The following BLMH variants were observed in gnomAD, a reference collection of about 807,000 sequenced individuals.
The protein encoded by BLMH is BLM hydrolase.
BLMH carries 32 observed loss-of-function variants against 61.6 expected under a neutral mutation model. The ratio of observed to expected loss-of-function variants is 0.52; its 90% CI spans 0.39 to 0.70. The LOEUF (loss-of-function observed/expected upper bound fraction) is 0.70. Among genes scored for constraint, BLMH ranks in the 30% least tolerant of loss-of-function variants. The pLI is 0.00. For synonymous variants in BLMH, 183 were observed against 193.8 expected (o/e 0.94, Z 0.46); for missense variants, 460 against 555.5 (o/e 0.83, Z 1.73).
At chr17:30,273,708 C>G in intron 7 of BLMH, 1 of 304,702 alleles carries the variant, frequency 3.3e-6, no homozygotes, top group South Asian at 3.7e-5. Flanking sequence ...TGCAAAAGTG[C>G]TCTGAATCCA....
intron 11 of BLMH, among the ~76,000 whole-genome samples, chr17:30,260,880 T>TAACAAC (rs371906610): frequency 1.3e-5 from 2 of 151,708 alleles, no homozygotes; most frequent in African/African-American, 4.8e-5. Flanking sequence ...CAAGACTCCA[T>TAACAAC]AACAACAACA....
chr17:30,270,360 G>A (rs1360063284), intron 10 of BLMH, among the ~76,000 whole-genome samples: 1 of 151,996 alleles, frequency 6.6e-6, no homozygotes, highest in Non-Finnish European at 1.5e-5. Context: ...AAATCAGCTG[G>A]GTGTGTTGGC....
chr17:30,256,482 C>A (rs1317669588), intron 11 of BLMH, among the ~76,000 whole-genome samples: 2 of 152,052 alleles, frequency 1.3e-5, no homozygotes, highest in East Asian at 3.9e-4. Flanking sequence ...GTGCCCACCA[C>A]CATGCCCAGC....
At chr17:30,289,694 C>A (rs915848024) in intron 2 of BLMH, among the ~76,000 whole-genome samples, 2 of 152,214 alleles carry the variant, frequency 1.3e-5, no homozygotes, top group African/African-American at 4.8e-5. Context: ...CACAAAAACA[C>A]TCTTTACGTA....
chr17:30,279,057 T>C (rs958315110), intron 6 of BLMH, among the ~76,000 whole-genome samples: 3 of 152,188 alleles, frequency 2.0e-5, no homozygotes, highest in African/African-American at 7.2e-5. Context: ...CTTTCCAAAA[T>C]GCTGGAAAGC....
In BLMH at chr17:30,274,146, A is replaced by T; in HGVS notation, c.697T>A (p.Trp233Arg). 6.2e-7 allele frequency: 1 copy of T among 1,614,180 alleles called. No individual in the cohort carries two copies. The highest frequency in any genetic ancestry group is 2.2e-5 in the East Asian group (1 of 44,888). The change falls in exon 7 of 12, where the codon TGG (tryptophan) becomes AGG (arginine). Residue 233 changes from tryptophan (W) to arginine (R), a missense_variant. Trp to Arg is a moderately radical substitution (Grantham distance 101). Around this residue, in one of 5 missense-constraint regions of BLMH, gnomAD observed 310 missense variants for 371.1 expected, o/e 0.84. Coordinates refer to ENST00000261714, the MANE Select transcript of BLMH (RefSeq NM_000386.4). ...CLGNPPETFT[W>R]EYRDKDKNYQ... ...TTTTTATCTTTGTCTCGATATTCCC[A>T]GGTGAATGTCTCTGGTGGATTACCC...
At position 30,271,336 on chromosome 17, in the gene BLMH, C is replaced by T; in HGVS notation, c.1081G>A (p.Glu361Lys). ...GVSLKNMNKAERLTFGESLMT... is the reference protein window; with the variant it reads ...GVSLKNMNKAKRLTFGESLMT... ...AGTGACTCACCAAAAGTCAGCCTCT[C>T]CGCTTTATTCATGTTCTTCAAGGAG... Residue 361 changes from glutamate to lysine, a missense_variant, in exon 10 of 12, where the codon GAG becomes AAG. This residue lies in a region of BLMH where 310 missense variants were observed against 371.1 expected (regional missense o/e 0.84). Transcript: ENST00000261714. The T allele has an allele frequency of 6.2e-7, 1 of 1,614,110 alleles. No individual in the cohort carries two copies.
intron 10 of BLMH, among the ~76,000 whole-genome samples, chr17:30,269,034 A>G (rs944496614): frequency 6.6e-6 from 1 of 151,238 alleles, no homozygotes; most frequent in Non-Finnish European, 1.5e-5. Context: ...AGCAAGACTC[A>G]GTCTCAAAAA....
chr17:30,283,376 A>T (rs1908642574), intron 6 of BLMH, among the ~76,000 whole-genome samples: 1 of 152,212 alleles, frequency 6.6e-6, no homozygotes, highest in Non-Finnish European at 1.5e-5. Flanking sequence ...TGATGAGGAC[A>T]TCAATCTTAG....
chr17:30,268,979 G>A (rs1908189401), intron 10 of BLMH, among the ~76,000 whole-genome samples: 1 of 150,638 alleles, frequency 6.6e-6, no homozygotes, highest in Non-Finnish European at 1.5e-5. Flanking sequence ...GGTGGAGGTT[G>A]CAGTGAGCTG....
chr17:30,253,505 CTG>C (rs1907726786), intron 11 of BLMH, among the ~76,000 whole-genome samples: 1 of 152,138 alleles, frequency 6.6e-6, no homozygotes, highest in Non-Finnish European at 1.5e-5. Context: ...ACTGTTGACA[CTG>C]TGTGTCTTGG....
At chr17:30,274,287 A>G in intron 6 of BLMH, 90 bp from the exon 7 acceptor site, 1 of 1,431,424 alleles carries the variant, frequency 7.0e-7, no homozygotes, top group Non-Finnish European at 9.4e-7. Context: ...TAGGAAACAC[A>G]AGAAGTTAGT....
At chr17:30,249,745 T>C (rs1907621976) in intron 11 of BLMH, 1 of 152,448 alleles carries the variant, frequency 6.6e-6, no homozygotes, top group South Asian at 2.1e-4. Flanking sequence ...TTGCAGATGA[T>C]AGTGTGGGAG....
chr17:30,263,613 A>C (rs1025526265), intron 11 of BLMH, among the ~76,000 whole-genome samples: 1 of 152,188 alleles, frequency 6.6e-6, no homozygotes, highest in African/African-American at 2.4e-5. Flanking sequence ...GTAAAGCAAA[A>C]ACTGATTTCT....
intron 11 of BLMH, among the ~76,000 whole-genome samples, chr17:30,250,731 G>C (rs1268093546): frequency 6.6e-6 from 1 of 152,018 alleles, no homozygotes; most frequent in Non-Finnish European, 1.5e-5. Context: ...CCCTCTACTG[G>C]GTATCTACCC....
intron 2 of BLMH, 181 bp downstream of exon 2, chr17:30,291,130 C>T: frequency 1.4e-6 from 1 of 717,620 alleles, no homozygotes; most frequent in Non-Finnish European, 2.3e-6. Context: ...TAACAAGCCA[C>T]AGAACAGCAA....
intron 11 of BLMH, among the ~76,000 whole-genome samples, chr17:30,254,998 G>T (rs912271166): frequency 5.3e-5 from 8 of 152,002 alleles, no homozygotes; most frequent in Admixed American, 2.0e-4. Flanking sequence ...TTTAAGTACC[G>T]AATCTACATG....
intron 3 of BLMH, among the ~76,000 whole-genome samples, chr17:30,288,992 C>T (rs938388858): frequency 6.6e-6 from 1 of 151,918 alleles, no homozygotes; most frequent in African/African-American, 2.4e-5. Flanking sequence ...AATAAACAAT[C>T]AAATAAAATT....
chr17:30,262,789 CG>C (rs1309075949), intron 11 of BLMH, among the ~76,000 whole-genome samples: 3 of 151,974 alleles, frequency 2.0e-5, no homozygotes, highest in Non-Finnish European at 4.4e-5. Flanking sequence ...AGCAAGACTC[CG>C]TCTCAAAAAA....
Sources: allele counts gnomAD v4.1 joint callset (sites outside exome capture counted in the v4.1 genomes callset), GRCh38; gene constraint gnomAD v4.1.1; regional missense constraint gnomAD v4.1.1; transcripts MANE v1.5; gene names NCBI Gene and HGNC (gene_info 2026-07-23, HGNC 2026-07-21).